Variants in WAPL observed in about 807,000 individuals in gnomAD.
The protein encoded by WAPL is WAPL cohesin release factor, also known as wings apart-like protein homolog.
WAPL carries 5 observed loss-of-function variants against 121.0 expected under a neutral mutation model. That is an observed-to-expected ratio of 0.04 (90% confidence interval 0.02 to 0.09). The LOEUF is 0.09. WAPL is among the 10% of genes least tolerant of loss of function. The pLI is 1.00. For missense variants in WAPL, 999 were observed against 1,410.8 expected (o/e 0.71, Z 4.68); for synonymous variants, 480 against 481.5 (o/e 1.00, Z 0.04).
At chr10:86,508,917 G>A (rs1252895135) in intron 2 of WAPL, among the ~76,000 whole-genome samples, 11 of 152,038 alleles carry the variant, frequency 7.2e-5, no homozygotes, top group East Asian at 3.9e-4. Context: ...CACCACGCCC[G>A]GCTAATTTTT....
In WAPL at chr10:86,500,415, A is replaced by G. The variant is rs1162800296; in HGVS notation, c.828T>C (p.Asn276=). Reference sequence around the variant, plus strand: ...GTACAATATCTTCCTCAATGGCTTCATTCAGATTTTCCAATCGATTTTTAA... The same window carrying G: ...GTACAATATCTTCCTCAATGGCTTCGTTCAGATTTTCCAATCGATTTTTAA... ...DDFKNRLENL[N]EAIEEDIVQS... The change falls in exon 3 of 19, where the codon AAT becomes AAC. Residue 276 remains asparagine, a synonymous_variant. Transcript: ENST00000298767. The G allele has an allele frequency of 1.2e-6, 2 of 1,614,222 alleles. No homozygotes were observed. Among genetic ancestry groups the G allele is most frequent in the Admixed American group, 1.7e-5 (1 of 60,024 alleles).
At chr10:86,441,043 A>T (rs1268401172) in intron 17 of WAPL, among the ~76,000 whole-genome samples, 2 of 152,142 alleles carry the variant, frequency 1.3e-5, no homozygotes, top group Non-Finnish European at 2.9e-5. Context: ...AGCTTCAAAA[A>T]GAGATGGCCC....
intron 4 of WAPL, among the ~76,000 whole-genome samples, chr10:86,491,920 A>G (rs1842055868): frequency 6.6e-6 from 1 of 152,186 alleles, no homozygotes; most frequent in Non-Finnish European, 1.5e-5. Flanking sequence ...CAAATGTCCT[A>G]TATTATTAAC....
In WAPL at chr10:86,435,852, T is replaced by C. The variant is rs1849307496; in HGVS notation, c.*1691A>G. 6.6e-6 allele frequency: 1 copy of C among 152,256 alleles called. No homozygotes were observed. The highest frequency in any genetic ancestry group is 2.1e-4 in the South Asian group (1 of 4,836). 9.4% of individuals were successfully genotyped at this position (152,256 alleles called of 1,614,324 possible). ...ATCCAATGATTAATAAATATCAATG[T>C]ATTTTGCATTTTAAAATAAAATATA... is the stretch of plus-strand genomic sequence containing the variant. On this transcript the variant is annotated 3_prime_UTR_variant, in exon 19 of 19. Coordinates refer to ENST00000298767, the MANE Select transcript of WAPL (RefSeq NM_015045.5).
In WAPL at chr10:86,472,525, A is replaced by C; in HGVS notation, c.1893+87T>G. On this transcript the variant is annotated intron_variant, in intron 6 of 18. Coordinates refer to ENST00000298767, the MANE Select transcript of WAPL (RefSeq NM_015045.5). The surrounding 1 kb of genome is among the most constrained non-coding windows in gnomAD (Gnocchi z 4.2). Reference sequence around the variant, plus strand: ...GTGGTTCAAAACTGAGTATCAGTATACTGATATTTGTTGAAGATATTAAAT... The same window carrying C: ...GTGGTTCAAAACTGAGTATCAGTATCCTGATATTTGTTGAAGATATTAAAT... 3 of 1,558,364 alleles carry C rather than the reference A, an allele frequency of 1.9e-6. No homozygotes were observed. The highest frequency in any genetic ancestry group is 2.6e-6 in the Non-Finnish European group (3 of 1,151,384).
intron 2 of WAPL, among the ~76,000 whole-genome samples, chr10:86,501,584 A>G (rs1025610694): frequency 1.3e-5 from 2 of 152,240 alleles, no homozygotes; most frequent in South Asian, 4.1e-4. Flanking sequence ...CATTTAAGAA[A>G]AGCTATTTAC....
At chr10:86,515,857 TC>T (rs1842545109) in intron 2 of WAPL, among the ~76,000 whole-genome samples, 1 of 137,070 alleles carries the variant, frequency 7.3e-6, no homozygotes, top group South Asian at 2.3e-4. Context: ...TTTTATGCTG[TC>T]TATGCCTTTT....
At chr10:86,446,169 A>T in intron 16 of WAPL, 73 bp downstream of exon 16, 1 of 1,526,438 alleles carries the variant, frequency 6.6e-7, no homozygotes. Flanking sequence ...TCTGCAAATT[A>T]AAATAGTTTG....
chr10:86,476,192 C>T (rs529949554), intron 4 of WAPL, among the ~76,000 whole-genome samples: 3 of 150,974 alleles, frequency 2.0e-5, no homozygotes, highest in East Asian at 3.9e-4. Context: ...GGTGAAACCC[C>T]GTCTCTACTA....
intron 4 of WAPL, among the ~76,000 whole-genome samples, chr10:86,488,130 G>A (rs1841966423): frequency 6.6e-6 from 1 of 152,124 alleles, no homozygotes; most frequent in Non-Finnish European, 1.5e-5. Flanking sequence ...TGGAAAATGA[G>A]AAGTCTAGAA....
chr10:86,483,784 A>AAATT (rs1554829982), intron 4 of WAPL, among the ~76,000 whole-genome samples: 9 of 131,422 alleles, frequency 6.8e-5, no homozygotes, highest in African/African-American at 1.4e-4. Flanking sequence ...AAAAAAAAAA[A>AAATT]TTTTTTTTTC....
chr10:86,482,776 G>A (rs1426238481), intron 4 of WAPL, among the ~76,000 whole-genome samples: 1 of 152,220 alleles, frequency 6.6e-6, no homozygotes, highest in Non-Finnish European at 1.5e-5. Flanking sequence ...CACTAAAGAA[G>A]TCAAATTCAT....
chr10:86,469,249 T>TAAATCATTAA (rs1431794434), intron 8 of WAPL, among the ~76,000 whole-genome samples: 1 of 100,774 alleles, frequency 9.9e-6, no homozygotes, highest in Non-Finnish European at 2.1e-5. Flanking sequence ...AATAATTTTT[T>TAAATCATTAA]TTTTTTTTTT....
intron 17 of WAPL, among the ~76,000 whole-genome samples, chr10:86,439,939 T>C (rs1032153704): frequency 6.6e-6 from 1 of 152,234 alleles, no homozygotes; most frequent in South Asian, 2.1e-4. Flanking sequence ...TTCTTGTCTA[T>C]CTCTTTTCAC....
In WAPL at chr10:86,517,429, T is replaced by C. The variant is rs111287237; in HGVS notation, c.499+142A>G. ...AACTGGTTTCTTTAAAGTTCTTAAATGTCTTTTACAAAACTATCAATGGTC... is the reference window on the plus strand; with the variant it reads ...AACTGGTTTCTTTAAAGTTCTTAAACGTCTTTTACAAAACTATCAATGGTC... On this transcript the variant is annotated intron_variant, in intron 2 of 18. Coordinates refer to ENST00000298767, the MANE Select transcript of WAPL (RefSeq NM_015045.5). 2,890 of 1,247,124 alleles carry C rather than the reference T, an allele frequency of 2.3e-3. 60 individuals are homozygous for C. In the African/African-American group the frequency reaches 0.037, roughly 16 times the overall value. The allele number at this position is 1,247,124 out of a possible 1,614,324, so 77.3% of individuals were successfully genotyped here.
intron 7 of WAPL, among the ~76,000 whole-genome samples, chr10:86,471,722 T>C (rs1476232132): frequency 1.3e-5 from 2 of 152,164 alleles, no homozygotes; most frequent in African/African-American, 2.4e-5. Flanking sequence ...TGCAGCAGCA[T>C]GATCACGGGC....
At position 86,500,002 on chromosome 10, in the gene WAPL, C is replaced by T; in HGVS notation, c.1241G>A (p.Arg414Gln). ...IATSKTTTRF[R>Q]PSNTKSKKDV... The stretch of plus-strand genomic sequence containing the variant: ...CTTTTTGGATTTAGTATTACTAGGT[C>T]GAAATCTAGTAGTAGTCTTAGAAGT... Residue 414 changes from arginine (R) to glutamine (Q), a missense_variant, in exon 3 of 19, where the codon CGA becomes CAA. This residue lies in a region of WAPL where 531 missense variants were observed against 563.1 expected (regional missense o/e 0.94). Coordinates refer to ENST00000298767, the MANE Select transcript of WAPL (RefSeq NM_015045.5). The T allele has an allele frequency of 1.2e-6, 2 of 1,614,028 alleles. No individual in the cohort carries two copies. Among genetic ancestry groups the T allele is most frequent in the Non-Finnish European group, 1.7e-6 (2 of 1,179,994 alleles).
At chr10:86,440,687 T>C (rs927954808) in intron 17 of WAPL, among the ~76,000 whole-genome samples, 10 of 151,632 alleles carry the variant, frequency 6.6e-5, no homozygotes, top group African/African-American at 2.4e-4. Flanking sequence ...TCATTGGAAA[T>C]AAGAAAAAGG....
intron 17 of WAPL, among the ~76,000 whole-genome samples, chr10:86,442,583 C>CT (rs1849496725): frequency 6.6e-6 from 1 of 152,096 alleles, no homozygotes; most frequent in Admixed American, 6.6e-5. Context: ...CTTTATTTCA[C>CT]TTTTTAAAAA....
Sources: allele counts gnomAD v4.1 joint callset (sites outside exome capture counted in the v4.1 genomes callset), GRCh38; gene constraint gnomAD v4.1.1; regional missense constraint gnomAD v4.1.1; non-coding constraint Gnocchi (gnomAD v3.1); transcripts MANE v1.5; gene names NCBI Gene and HGNC (gene_info 2026-07-23, HGNC 2026-07-21).